The following MRGPRX3 variants were observed in gnomAD, a reference collection of about 807,000 sequenced individuals.
MRGPRX3 encodes mas-related G protein-coupled receptor member X3.
MRGPRX3 carries 14 observed loss-of-function variants against 16.5 expected under a neutral mutation model. The ratio of observed to expected loss-of-function variants is 0.85; its 90% CI spans 0.56 to 1.33. The LOEUF (loss-of-function observed/expected upper bound fraction) is 1.33. Ranked by LOEUF, MRGPRX3 falls within the 40% of genes most tolerant of loss-of-function variation. MRGPRX3 has a pLI of 0.00. For missense variants in MRGPRX3, 449 were observed against 413.0 expected, an observed-to-expected ratio of 1.09 and a Z score of -0.76; for synonymous variants, 199 against 180.1, an observed-to-expected ratio of 1.10 and a Z score of -0.84.
chr11:18,123,346 T>A (rs1348578189), intron 1 of MRGPRX3, among the ~76,000 whole-genome samples: 1 of 152,192 alleles, frequency 6.6e-6, no homozygotes, highest in African/African-American at 2.4e-5. Flanking sequence ...CTTTAATCCA[T>A]CTTGAATTAA....
intron 1 of MRGPRX3, 23 bp from the exon 2 acceptor site, chr11:18,137,155 T>C (rs754906041): frequency 9.1e-6 from 14 of 1,537,110 alleles, no homozygotes; most frequent in Non-Finnish European, 1.1e-5. Flanking sequence ...CAGCTGGTGA[T>C]CACATCTGGT....
At position 18,121,651 on chromosome 11, in the gene MRGPRX3, A is replaced by G. The variant is rs1446166094; in HGVS notation, c.-152+487A>G. On this transcript the variant is annotated intron_variant, in intron 1 of 2. Coordinates refer to the MRGPRX3 transcript ENST00000396275. ...TGGGAGACTTTTCATTTTGTTCTGT[A>G]CAAAGAAAGATTCTTCTGCCTTGGG... Among the ~76,000 whole-genome samples the G allele has an allele frequency of 4.6e-5, 7 of 152,356 alleles. No homozygotes were observed. The East Asian group carries it at 1.3e-3, about 29-fold the overall frequency.
At chr11:18,127,638 T>G (rs1176574486), upstream of MRGPRX3, among the ~76,000 whole-genome samples, 1 of 152,284 alleles carries the variant, frequency 6.6e-6, no homozygotes, top group East Asian at 1.9e-4. Context: ...CTTTAAGGAC[T>G]TCTCTGCATT....
chr11:18,136,438 CAG>C (rs1849008062), intron 1 of MRGPRX3, among the ~76,000 whole-genome samples: 1 of 152,230 alleles, frequency 6.6e-6, no homozygotes, highest in African/African-American at 2.4e-5. Flanking sequence ...CTTCTCAACA[CAG>C]ATAGAGCTGT....
upstream of MRGPRX3, among the ~76,000 whole-genome samples, chr11:18,130,290 A>C (rs1354049484): frequency 9.9e-5 from 15 of 152,174 alleles, no homozygotes; most frequent in Admixed American, 8.5e-4. Flanking sequence ...CTAAAGACTC[A>C]TCCAGAAAGC....
upstream of MRGPRX3, among the ~76,000 whole-genome samples, chr11:18,130,181 C>T (rs1590305212): frequency 6.6e-6 from 1 of 152,038 alleles, no homozygotes; most frequent in South Asian, 2.1e-4. Context: ...TTAGCCAGAG[C>T]AATCAGACAA....
Position 18,137,650 on chromosome 11 carries a change from T to C in MRGPRX3, c.448T>C (p.Ser150Pro). ...CATGTGTGTCCTGCTCTGGGCCCTG[T>C]CCCTGCTGCGGAGTATCCTGGAGTG... Reference protein sequence around the residue: ...SVMCVLLWALSLLRSILEWMF... With the variant: ...SVMCVLLWALPLLRSILEWMF... Residue 150 changes from serine (S) to proline (P), a missense_variant, in exon 2 of 2, where the codon TCC (serine) becomes CCC (proline). Ser to Pro is a moderately conservative substitution (Grantham distance 74). Coordinates refer to ENST00000621697, the MANE Select transcript of MRGPRX3 (RefSeq NM_001370464.1). The C allele has an allele frequency of 1.2e-6, 2 of 1,614,186 alleles. No individual in the cohort carries two copies. Among genetic ancestry groups the C allele is most frequent in the Non-Finnish European group, 1.7e-6 (2 of 1,180,038 alleles).
intron 1 of MRGPRX3, among the ~76,000 whole-genome samples, chr11:18,134,526 A>G (rs1848991020): frequency 6.6e-6 from 1 of 152,216 alleles, no homozygotes; most frequent in Non-Finnish European, 1.5e-5. Context: ...TACAAATACC[A>G]CATATAAGGA....
At chr11:18,125,140 C>G (rs1250617383) in intron 1 of MRGPRX3, among the ~76,000 whole-genome samples, 4 of 151,796 alleles carry the variant, frequency 2.6e-5, no homozygotes, top group African/African-American at 9.7e-5. Flanking sequence ...AAAAAAACAG[C>G]TCCTGGATTC....
upstream of MRGPRX3, among the ~76,000 whole-genome samples, chr11:18,129,981 T>A (rs913348665): frequency 6.6e-6 from 1 of 152,128 alleles, no homozygotes; most frequent in Non-Finnish European, 1.5e-5. Context: ...ATCTAACATT[T>A]CTTTATGATT....
intron 1 of MRGPRX3, among the ~76,000 whole-genome samples, chr11:18,123,187 T>C (rs1490715843): frequency 3.3e-5 from 5 of 152,344 alleles, no homozygotes; most frequent in African/African-American, 1.2e-4. Context: ...AGCTCTTTAG[T>C]TTCATTAGAT....
chr11:18,125,926 C>A (rs1375660452), intron 1 of MRGPRX3, among the ~76,000 whole-genome samples: 1 of 152,126 alleles, frequency 6.6e-6, no homozygotes, highest in Non-Finnish European at 1.5e-5. Context: ...TGAATTGATC[C>A]CTTTACCATT....
intron 1 of MRGPRX3, among the ~76,000 whole-genome samples, chr11:18,134,362 T>A (rs1237548221): frequency 6.6e-6 from 1 of 152,212 alleles, no homozygotes; most frequent in Non-Finnish European, 1.5e-5. Context: ...GGCGGAGTTG[T>A]GTATGTACTG....
At chr11:18,133,527 ATTG>A (rs1007567377) in intron 1 of MRGPRX3, among the ~76,000 whole-genome samples, 80 of 152,186 alleles carry the variant, frequency 5.3e-4, no homozygotes, top group Non-Finnish European at 7.2e-4. Context: ...CCCCTTTGGT[ATTG>A]TTGTTGTGAT....
chr11:18,126,241 T>A (rs1299043608), intron 1 of MRGPRX3, among the ~76,000 whole-genome samples: 1 of 152,224 alleles, frequency 6.6e-6, no homozygotes, highest in Non-Finnish European at 1.5e-5. Context: ...CATTATGATG[T>A]TAGCTGTTAA....
chr11:18,122,101 C>CA (rs199687301), intron 1 of MRGPRX3, among the ~76,000 whole-genome samples: 2,942 of 148,926 alleles, frequency 0.02, 113 homozygotes, highest in African/African-American at 0.068. Context: ...GTTTATGATG[C>CA]AAAAAAAACT....
chr11:18,126,010 C>A (rs2134080176), intron 1 of MRGPRX3, among the ~76,000 whole-genome samples: 1 of 152,194 alleles, frequency 6.6e-6, no homozygotes, highest in South Asian at 2.1e-4. Context: ...AGAATTGCAA[C>A]CCCTGCTTTT....
At chr11:18,136,473 T>C (rs937034326) in intron 1 of MRGPRX3, among the ~76,000 whole-genome samples, 1 of 152,252 alleles carries the variant, frequency 6.6e-6, no homozygotes, top group African/African-American at 2.4e-5. Flanking sequence ...TTCTGATGAA[T>C]GAAATTTTCT....
chr11:18,124,989 G>A (rs1848877833), intron 1 of MRGPRX3, among the ~76,000 whole-genome samples: 1 of 152,154 alleles, frequency 6.6e-6, no homozygotes, highest in Non-Finnish European at 1.5e-5. Flanking sequence ...GGTGTTTATA[G>A]TATTCTCTGA....
Sources: allele counts gnomAD v4.1 joint callset (sites outside exome capture counted in the v4.1 genomes callset), GRCh38; gene constraint gnomAD v4.1.1; transcripts MANE v1.5; gene names NCBI Gene and HGNC (gene_info 2026-07-23, HGNC 2026-07-21).